KDM6A: variants seen among roughly 807,000 people sequenced by gnomAD.
KDM6A encodes the protein lysine-specific demethylase 6A.
KDM6A carries 11 observed loss-of-function variants against 117.6 expected under a neutral mutation model. That is an observed-to-expected ratio of 0.09 (90% CI 0.06 to 0.15). The LOEUF (loss-of-function observed/expected upper bound fraction) is 0.15, where lower values mean the gene tolerates loss of function less well. Among genes scored for constraint, KDM6A ranks in the 10% least tolerant of loss-of-function variants. The pLI, the probability that KDM6A is intolerant of heterozygous loss-of-function variation, is 1.00. For missense variants in KDM6A, 799 were observed against 1,077.3 expected, an observed-to-expected ratio of 0.74 and a Z score of 3.62; for synonymous variants, 384 against 396.1, an observed-to-expected ratio of 0.97 and a Z score of 0.36.
At chrX:44,911,173 G>GA (rs2035103500) in intron 2 of KDM6A, among the ~76,000 whole-genome samples, 1 of 105,073 alleles carries the variant, frequency 9.5e-6, no homozygotes, top group African/African-American at 3.5e-5. Flanking sequence ...GGCGGGGGCT[G>GA]CCCCCCACCT....
intron 27 of KDM6A, among the ~76,000 whole-genome samples, chrX:45,093,377 AAAAAAAACAAAC>A (rs1457129525): frequency 1.9e-5 from 2 of 107,928 alleles, no homozygotes; most frequent in African/African-American, 3.5e-5. Context: ...TCTCTCTCAA[AAAAAAAACAAAC>A]AAACAAACAA....
In KDM6A at chrX:44,998,374, G is replaced by C. The variant is rs760472667; in HGVS notation, c.385-12587G>C. On this transcript the variant is annotated intron_variant, in intron 4 of 29. Transcript: ENST00000611820. ...GACTACTGTTTGGCTTGGTCAACTG[G>C]TAAGATTGTTACCACTATCTAAAAT... Among the ~76,000 whole-genome samples the C allele has an allele frequency of 4.5e-5, 5 of 111,779 alleles. No individual in the cohort carries two copies. In the East Asian group the frequency reaches 1.4e-3, roughly 31 times the overall value.
In KDM6A at chrX:45,060,666, A is replaced by G. The variant is rs1185913992; in HGVS notation, c.1387A>G (p.Ile463Val). Residue 463 changes from isoleucine (I) to valine (V), a missense_variant, in exon 14 of 30, where the codon ATT becomes GTT. By Grantham distance (29) the Ile-to-Val change is conservative. Coordinates refer to ENST00000611820, the MANE Select transcript of KDM6A (RefSeq NM_001291415.2). Reference protein sequence around the residue: ...EPVLGLSQTPISQQSLPLHMI... With the variant: ...EPVLGLSQTPVSQQSLPLHMI... The stretch of plus-strand genomic sequence containing the variant: ...TGTATTAGGCCTCAGTCAAACACCA[A>G]TTTCACAGCAATCCTTGCCACTACA... The G allele has an allele frequency of 5.6e-6, 6 of 1,068,302 alleles. No individual in the cohort carries two copies. In the African/African-American group the frequency reaches 1.1e-4, roughly 20 times the overall value. 88.0% of individuals were successfully genotyped at this position (1,068,302 alleles called of 1,213,427 possible).
chrX:45,001,590 G>A lies in KDM6A; in HGVS notation c.385-9371G>A, dbSNP rs180928905. 4.3e-3 allele frequency among the ~76,000 whole-genome samples: 482 copies of A among 111,636 alleles called. 1 individual carries two copies. The highest frequency in any genetic ancestry group is 6.5e-3 in the Non-Finnish European group (344 of 53,119). The stretch of plus-strand genomic sequence containing the variant: ...TGTCTTTGACTTGGCAAGCACCCAC[G>A]GGTATAACAAGGCAAGCATCAAATG... On this transcript the variant is annotated intron_variant, in intron 4 of 29. Transcript: ENST00000611820.
chrX:44,982,219 C>T (rs187980845), intron 4 of KDM6A, among the ~76,000 whole-genome samples: 3 of 111,723 alleles, frequency 2.7e-5, no homozygotes, highest in African/African-American at 9.7e-5. Context: ...AACAGTGTTT[C>T]AGTTTGAAAA....
At chrX:44,964,914 C>T (rs2038931412) in intron 3 of KDM6A, among the ~76,000 whole-genome samples, 1 of 112,209 alleles carries the variant, frequency 8.9e-6, no homozygotes, top group Non-Finnish European at 1.9e-5. Context: ...ATGGCATCTT[C>T]CTCAATAGAA....
At chrX:45,107,169 T>C (rs964248735) in intron 27 of KDM6A, 6 of 336,838 alleles carry the variant, frequency 1.8e-5, no homozygotes, top group Non-Finnish European at 3.1e-5. Context: ...AAGACCATTA[T>C]ATTTTGATAT....
intron 8 of KDM6A, among the ~76,000 whole-genome samples, chrX:45,049,338 G>A (rs112180162): frequency 0.041 from 4,578 of 111,610 alleles, 83 homozygotes; most frequent in Middle Eastern, 0.075. Flanking sequence ...TGCTTTTTGA[G>A]TCAGATCTTT....
chrX:44,940,131 C>A (rs946601220), intron 2 of KDM6A, among the ~76,000 whole-genome samples: 1 of 111,356 alleles, frequency 9.0e-6, no homozygotes, highest in African/African-American at 3.3e-5. Context: ...CAGCTCACTG[C>A]AAGCTCTGCT....
chrX:45,014,911 A>C (rs2041899242), intron 5 of KDM6A, among the ~76,000 whole-genome samples: 2 of 111,560 alleles, frequency 1.8e-5, no homozygotes, highest in South Asian at 7.5e-4. Flanking sequence ...CTGTGCTAGA[A>C]GCATAGGATT....
In KDM6A at chrX:44,936,440, C is replaced by CTA. The variant is rs60032797; in HGVS notation, c.226-24841_226-24840dup. Among the ~76,000 whole-genome samples, 490 of 111,925 alleles carry CTA rather than the reference C, an allele frequency of 4.4e-3. 2 individuals carry two copies. The highest frequency in any genetic ancestry group is 0.015 in the African/African-American group (463 of 30,837). On this transcript the variant is annotated intron_variant, in intron 2 of 29. Transcript: ENST00000611820. The stretch of plus-strand genomic sequence containing the variant: ...TGTGGTCATACTTTCCATGTTTTCT[C>CTA]TATAGAGATATGCTCAGTTAAATAG...
chrX:44,967,395 G>T (rs1458025633), intron 3 of KDM6A, among the ~76,000 whole-genome samples: 4 of 111,489 alleles, frequency 3.6e-5, no homozygotes, highest in Non-Finnish European at 7.5e-5. Flanking sequence ...TATTTTTAGA[G>T]AACACATTAT....
intron 2 of KDM6A, among the ~76,000 whole-genome samples, chrX:44,956,248 A>T (rs149872783): frequency 2.7e-5 from 3 of 112,211 alleles, no homozygotes; most frequent in African/African-American, 6.5e-5. Flanking sequence ...GAAATGTGCT[A>T]TTCAGAACTG....
intron 2 of KDM6A, among the ~76,000 whole-genome samples, chrX:44,923,203 G>A (rs1396744834): frequency 9.0e-6 from 1 of 111,311 alleles, no homozygotes; most frequent in Non-Finnish European, 1.9e-5. Context: ...TACGTTATGT[G>A]TTATGTGTTG....
chrX:45,030,798 T>C (rs1473456899), intron 6 of KDM6A, among the ~76,000 whole-genome samples: 1 of 111,255 alleles, frequency 9.0e-6, no homozygotes, highest in African/African-American at 3.3e-5. Flanking sequence ...CAACCTTCGC[T>C]TCCTGGGTTC....
At position 45,083,461 on chromosome X, in the gene KDM6A, TG is replaced by T; in HGVS notation, c.3444del (p.Trp1148Ter). The T allele has an allele frequency of 8.3e-7, 1 of 1,209,099 alleles. No homozygotes were observed. The highest frequency in any genetic ancestry group is 1.1e-6 in the Non-Finnish European group (1 of 893,335). ...TTTTGATGTGTTATTTTATTGCAGG[TG>T]GAAGTTGCAGCTACATGAGCTGACT... ...TNIDLSDDKK[W>X]KLQLHELTKL... is the part of the protein sequence containing the mutation. On this transcript the variant is annotated frameshift_variant and splice_region_variant, in exon 24 of 30. Coordinates refer to ENST00000611820, the MANE Select transcript of KDM6A (RefSeq NM_001291415.2). LOFTEE classifies it high-confidence loss of function.
At chrX:44,945,116 T>A (rs2037555981) in intron 2 of KDM6A, among the ~76,000 whole-genome samples, 1 of 111,430 alleles carries the variant, frequency 9.0e-6, no homozygotes, top group Non-Finnish European at 1.9e-5. Flanking sequence ...CAGTTGGCAT[T>A]TAGAAAGAAA....
intron 18 of KDM6A, 62 bp from the exon 19 acceptor site, chrX:45,076,635 T>C (rs2148098869): frequency 2.3e-6 from 2 of 860,321 alleles, no homozygotes; most frequent in Non-Finnish European, 3.3e-6. Flanking sequence ...CAGGATTCTT[T>C]TTTTTTTTTT....
chrX:44,897,419 A>G (rs1345391173), intron 2 of KDM6A, among the ~76,000 whole-genome samples: 1 of 110,645 alleles, frequency 9.0e-6, no homozygotes, highest in East Asian at 2.8e-4. Context: ...TTGTCAGGTA[A>G]TTAAAAAATC....
Sources: allele counts gnomAD v4.1 joint callset (sites outside exome capture counted in the v4.1 genomes callset), GRCh38; gene constraint gnomAD v4.1.1; transcripts MANE v1.5; gene names NCBI Gene and HGNC (gene_info 2026-07-23, HGNC 2026-07-21).